Variants in ADK observed in about 807,000 individuals in gnomAD.
ADK encodes the protein adenosine kinase, also known as N6,N6-dimethyladenosine kinase.
A neutral mutation model predicts 44.7 loss-of-function variants in ADK; 24 were observed. The observed-to-expected ratio is 0.54, with a 90% CI of 0.39 to 0.76. ADK has a LOEUF of 0.76. Among genes scored for constraint, ADK ranks in the 30% least tolerant of loss-of-function variants. The probability of loss-of-function intolerance (pLI) is 0.00; values close to 1 mark genes in which losing one functional copy is unlikely to be tolerated. For synonymous variants in ADK, 128 were observed against 142.6 expected (o/e 0.90, Z 0.73); for missense variants, 321 against 425.1 (o/e 0.76, Z 2.15).
intron 1 of ADK, among the ~76,000 whole-genome samples, chr10:74,182,835 A>G (rs1434200751): frequency 2.6e-5 from 4 of 152,114 alleles, no homozygotes; most frequent in Non-Finnish European, 5.9e-5. Context: ...GATTTTCTAG[A>G]CTGTTTGAAT....
intron 4 of ADK, among the ~76,000 whole-genome samples, chr10:74,368,417 C>T (rs1390714205): frequency 6.6e-6 from 1 of 151,874 alleles, no homozygotes; most frequent in Non-Finnish European, 1.5e-5. Flanking sequence ...CTATAGTTAA[C>T]CTTTTGCAGT....
At chr10:74,572,305 T>A (rs1420350530) in intron 7 of ADK, among the ~76,000 whole-genome samples, 1 of 152,260 alleles carries the variant, frequency 6.6e-6, no homozygotes, top group East Asian at 1.9e-4. Flanking sequence ...TGAAAATTCT[T>A]TTCTTTAAGA....
At chr10:74,310,029 C>T (rs1033053174) in intron 3 of ADK, among the ~76,000 whole-genome samples, 3 of 151,696 alleles carry the variant, frequency 2.0e-5, no homozygotes, top group Non-Finnish European at 4.4e-5. Context: ...TATAATATTA[C>T]AAAGTTTATT....
intron 6 of ADK, among the ~76,000 whole-genome samples, chr10:74,479,362 C>G (rs1222258422): frequency 4.0e-5 from 6 of 149,692 alleles, no homozygotes; most frequent in African/African-American, 1.5e-4. Flanking sequence ...GTTTATCATT[C>G]TCTATCTCTT....
intron 7 of ADK, among the ~76,000 whole-genome samples, chr10:74,532,670 G>A (rs995406009): frequency 2.6e-5 from 4 of 152,100 alleles, no homozygotes; most frequent in Admixed American, 6.5e-5. Context: ...GGAGGCCGAG[G>A]CTGGTGGATC....
intron 3 of ADK, among the ~76,000 whole-genome samples, chr10:74,276,385 T>C (rs1231637663): frequency 2.6e-5 from 4 of 152,212 alleles, no homozygotes; most frequent in African/African-American, 9.6e-5. Flanking sequence ...GGGGTATTGC[T>C]TTCTGGGCCC....
intron 4 of ADK, among the ~76,000 whole-genome samples, chr10:74,358,882 T>C (rs1250773883): frequency 6.6e-6 from 1 of 152,216 alleles, no homozygotes; most frequent in Admixed American, 6.5e-5. Context: ...TTTCAAATTG[T>C]ACATAATGCT....
intron 7 of ADK, among the ~76,000 whole-genome samples, chr10:74,543,019 G>A (rs959342358): frequency 6.6e-6 from 1 of 151,738 alleles, no homozygotes; most frequent in East Asian, 1.9e-4. Flanking sequence ...TCCTGCCTCA[G>A]CCTCCCAAGT....
intron 9 of ADK, among the ~76,000 whole-genome samples, chr10:74,650,888 C>A (rs1854240021): frequency 6.6e-6 from 1 of 152,194 alleles, no homozygotes; most frequent in Non-Finnish European, 1.5e-5. Context: ...TGTAATGTCC[C>A]TAAAATGAAT....
chr10:74,280,160 T>G (rs1846870344), intron 3 of ADK, among the ~76,000 whole-genome samples: 1 of 152,102 alleles, frequency 6.6e-6, no homozygotes, highest in Non-Finnish European at 1.5e-5. Context: ...TGTTTTTTGT[T>G]TTGGAGCCAG....
chr10:74,328,619 G>C (rs537170613), intron 4 of ADK, among the ~76,000 whole-genome samples: 1 of 152,254 alleles, frequency 6.6e-6, no homozygotes, highest in African/African-American at 2.4e-5. Context: ...ATGATAGTGA[G>C]TAAGTTCTTA....
Position 74,616,541 on chromosome 10 carries a change from G to A in ADK, c.877+16048G>A, listed in dbSNP as rs72820511. On this transcript the variant is annotated intron_variant, in intron 9 of 10. Coordinates refer to ENST00000539909, the MANE Select transcript of ADK (RefSeq NM_006721.4). ...TGTCATGTTTCAGATGACCTTATATGGGTGAGTCTTTTTTTAGGCTATTTC... is the reference window on the plus strand; with the variant it reads ...TGTCATGTTTCAGATGACCTTATATAGGTGAGTCTTTTTTTAGGCTATTTC... Among the ~76,000 whole-genome samples, 1,516 of 152,126 alleles carry A rather than the reference G, an allele frequency of 1.0e-2. 12 individuals carry two copies. The highest frequency in any genetic ancestry group is 0.014 in the Non-Finnish European group (926 of 67,984).
rs368441354 is a variant in ADK at position 74,181,297 on chromosome 10, CT to C, written c.66-19458del. Among the ~76,000 whole-genome samples, 16 of 150,404 alleles carry C rather than the reference CT, an allele frequency of 1.1e-4. 1 individual carries two copies. The highest frequency in any genetic ancestry group is 3.7e-4 in the African/African-American group (15 of 41,056). ...ATAATAATTTTAAATGAAAACTTTT[CT>C]TTTTTTTTAACTTAAGATCTTTGAA... On this transcript the variant is annotated intron_variant, in intron 1 of 10. Transcript: ENST00000539909.
At chr10:74,494,806 G>C (rs1847623673) in intron 6 of ADK, among the ~76,000 whole-genome samples, 1 of 152,050 alleles carries the variant, frequency 6.6e-6, no homozygotes, top group African/African-American at 2.4e-5. Context: ...AGGATTACAG[G>C]GGTGAGCCAC....
At chr10:74,203,866 A>T (rs1424069949) in intron 2 of ADK, among the ~76,000 whole-genome samples, 1 of 149,742 alleles carries the variant, frequency 6.7e-6, no homozygotes, top group African/African-American at 2.4e-5. Context: ...TGGAATTTTG[A>T]TTGGAATTAC....
chr10:74,607,054 C>A (rs1467688573), intron 9 of ADK, among the ~76,000 whole-genome samples: 3 of 151,972 alleles, frequency 2.0e-5, no homozygotes, highest in Non-Finnish European at 4.4e-5. Flanking sequence ...GATTACAACC[C>A]CTGCTTTTTT....
At chr10:74,326,038 T>C (rs1254358684) in intron 4 of ADK, among the ~76,000 whole-genome samples, 3 of 152,166 alleles carry the variant, frequency 2.0e-5, no homozygotes, top group Admixed American at 6.5e-5. Flanking sequence ...TTTCACCATG[T>C]TGGCCAGGGT....
At chr10:74,470,780 A>G (rs1027241278) in intron 6 of ADK, among the ~76,000 whole-genome samples, 3 of 151,742 alleles carry the variant, frequency 2.0e-5, no homozygotes, top group Admixed American at 6.6e-5. Context: ...AATAGTTTGT[A>G]AGTTTGGTAG....
intron 9 of ADK, among the ~76,000 whole-genome samples, chr10:74,602,105 CAAAAAAAAAAAAAA>C (rs58400071): frequency 8.2e-5 from 4 of 48,794 alleles, no homozygotes; most frequent in Admixed American, 2.8e-4. Flanking sequence ...ACCCTGTCTC[CAAAAAAAAAAAAAA>C]AAAAAAAAAA....
Sources: allele counts gnomAD v4.1 joint callset (sites outside exome capture counted in the v4.1 genomes callset), GRCh38; gene constraint gnomAD v4.1.1; transcripts MANE v1.5; gene names NCBI Gene and HGNC (gene_info 2026-07-23, HGNC 2026-07-21).